The following RANBP10 variants were observed in gnomAD, a reference collection of about 807,000 sequenced individuals.
RANBP10 encodes the protein ran-binding protein 10.
A neutral mutation model predicts 72.8 loss-of-function variants in RANBP10; 24 were observed. That is an observed-to-expected ratio of 0.33 (90% CI 0.24 to 0.46). The LOEUF is 0.46. RANBP10 is among the 20% of genes least tolerant of loss of function. RANBP10 has a pLI of 1.00. For synonymous variants in RANBP10, 310 were observed against 322.3 expected (o/e 0.96, Z 0.41); for missense variants, 679 against 817.5 (o/e 0.83, Z 2.07).
chr16:67,796,472 T>C (rs1388543198), intron 2 of RANBP10, among the ~76,000 whole-genome samples: 1 of 152,090 alleles, frequency 6.6e-6, no homozygotes, highest in Non-Finnish European at 1.5e-5. Flanking sequence ...CCACTTATCT[T>C]CCAACCACCT....
At position 67,724,461 on chromosome 16, in the gene RANBP10, T is replaced by C. The variant is rs2053569388; in HGVS notation, c.*1967A>G. ...TTAATCCAATCCTGCTAGGCTATGA[T>C]CATTTAAACAGCCTGATGTCTCCAA... On this transcript the variant is annotated 3_prime_UTR_variant, in exon 14 of 14. Coordinates refer to ENST00000317506, the MANE Select transcript of RANBP10 (RefSeq NM_020850.3). 6.6e-6 allele frequency: 1 copy of C among 152,212 alleles called. No individual in the cohort carries two copies. The highest frequency in any genetic ancestry group is 1.9e-4 in the East Asian group (1 of 5,192). 9.4% of individuals were successfully genotyped at this position (152,212 alleles called of 1,614,324 possible).
At chr16:67,763,562 G>GCC (rs1157601368) in intron 3 of RANBP10, 1 of 152,232 alleles carries the variant, frequency 6.6e-6, no homozygotes, top group Non-Finnish European at 1.5e-5. Flanking sequence ...GGCACCAGCT[G>GCC]CCCCTTCCCT....
At chr16:67,750,481 G>T (rs2054172575) in intron 3 of RANBP10, among the ~76,000 whole-genome samples, 1 of 152,110 alleles carries the variant, frequency 6.6e-6, no homozygotes, top group South Asian at 2.1e-4. Flanking sequence ...ACTGTTCCCG[G>T]GACTGTCCAT....
At chr16:67,740,400 G>T (rs550891309) in intron 4 of RANBP10, among the ~76,000 whole-genome samples, 1 of 151,982 alleles carries the variant, frequency 6.6e-6, no homozygotes, top group East Asian at 1.9e-4. Flanking sequence ...CATCATGCCC[G>T]GCAGATAAAG....
At chr16:67,782,642 T>C (rs1181644646) in intron 2 of RANBP10, among the ~76,000 whole-genome samples, 1 of 151,608 alleles carries the variant, frequency 6.6e-6, no homozygotes, top group Non-Finnish European at 1.5e-5. Context: ...TCAGTAGAGA[T>C]GGGGTTTCAC....
At chr16:67,794,208 C>T (rs975344193) in intron 2 of RANBP10, among the ~76,000 whole-genome samples, 1 of 152,104 alleles carries the variant, frequency 6.6e-6, no homozygotes, top group Admixed American at 6.6e-5. Context: ...GGGGCCGAGG[C>T]GGGCAGATCA....
chr16:67,777,050 A>C (rs2054719222), intron 2 of RANBP10, among the ~76,000 whole-genome samples: 1 of 151,280 alleles, frequency 6.6e-6, no homozygotes, highest in Non-Finnish European at 1.5e-5. Context: ...TCTCTACTAA[A>C]AATACAAAAA....
At chr16:67,785,830 T>C (rs2054906740) in intron 2 of RANBP10, among the ~76,000 whole-genome samples, 2 of 148,004 alleles carry the variant, frequency 1.4e-5, no homozygotes, top group Admixed American at 1.4e-4. Flanking sequence ...ATCGAGACCA[T>C]CCTGGCTAAA....
intron 2 of RANBP10, among the ~76,000 whole-genome samples, chr16:67,785,731 C>CGAAAAAAAAAAAAAAAAA (rs2054904463): frequency 1.4e-5 from 1 of 71,784 alleles, no homozygotes; most frequent in Non-Finnish European, 2.6e-5. Context: ...GACTCCATCT[C>CGAAAAAAAAAAAAAAAAA]AAAAAAAAAA....
chr16:67,806,234 G>C (rs1233945578), intron 1 of RANBP10, 68 bp downstream of exon 1: 4 of 1,419,064 alleles, frequency 2.8e-6, no homozygotes, highest in Non-Finnish European at 3.8e-6. Flanking sequence ...GATAGGGCGG[G>C]GGCCTGGCAG....
chr16:67,766,570 T>C (rs1167673016), intron 3 of RANBP10, among the ~76,000 whole-genome samples: 1 of 152,124 alleles, frequency 6.6e-6, no homozygotes, highest in Non-Finnish European at 1.5e-5. Flanking sequence ...CACTGCTCTC[T>C]CTAGCCATGT....
chr16:67,801,347 T>G (rs565226317), intron 2 of RANBP10, among the ~76,000 whole-genome samples: 1 of 152,090 alleles, frequency 6.6e-6, no homozygotes, highest in East Asian at 1.9e-4. Flanking sequence ...ATTCCTTCAC[T>G]CTACCCAGGG....
chr16:67,753,860 C>T (rs969574834), intron 3 of RANBP10, among the ~76,000 whole-genome samples: 1 of 151,970 alleles, frequency 6.6e-6, no homozygotes, highest in African/African-American at 2.4e-5. Flanking sequence ...GGAGGCTGGT[C>T]GCGGTGGCTC....
At chr16:67,734,831 G>T in intron 6 of RANBP10, 27 bp downstream of exon 6, 1 of 1,531,886 alleles carries the variant, frequency 6.5e-7, no homozygotes. Context: ...GGGTGGGAGT[G>T]GGTAAGGGCA....
At chr16:67,790,551 C>T (rs1350730198) in intron 2 of RANBP10, among the ~76,000 whole-genome samples, 1 of 151,690 alleles carries the variant, frequency 6.6e-6, no homozygotes, top group Non-Finnish European at 1.5e-5. Context: ...TCTGGCTTTT[C>T]CCGATGAGAC....
intron 3 of RANBP10, among the ~76,000 whole-genome samples, chr16:67,752,380 C>T (rs1346677753): frequency 6.6e-6 from 1 of 152,134 alleles, no homozygotes; most frequent in African/African-American, 2.4e-5. Flanking sequence ...CCGCTAGAAG[C>T]TAGAAAAGGC....
intron 3 of RANBP10, among the ~76,000 whole-genome samples, chr16:67,754,731 G>T (rs905235797): frequency 2.0e-5 from 3 of 152,230 alleles, no homozygotes; most frequent in African/African-American, 7.2e-5. Context: ...AGCCCTGGGT[G>T]CCAGGAAAGC....
chr16:67,806,188 C>G (rs2055422101), intron 1 of RANBP10, 114 bp downstream of exon 1: 1 of 1,044,396 alleles, frequency 9.6e-7, no homozygotes, highest in Non-Finnish European at 1.4e-6. Context: ...AAGGGCCAAG[C>G]CCTAACTTGG....
chr16:67,764,667 T>A (rs996704467), intron 3 of RANBP10, among the ~76,000 whole-genome samples: 2 of 152,130 alleles, frequency 1.3e-5, no homozygotes, highest in African/African-American at 4.8e-5. Context: ...TACCCCAGCA[T>A]GGGGGACAGA....
Sources: gnomAD v4.1 joint callset for allele counts (sites outside exome capture counted in the v4.1 genomes callset) on GRCh38, gnomAD v4.1.1 for gene constraint, MANE v1.5 for transcripts, NCBI Gene and HGNC (gene_info 2026-07-23, HGNC 2026-07-21) for gene names.